Variants in BBS1 observed in about 807,000 individuals in gnomAD.
BBS1 encodes Bardet-Biedl syndrome 1.
Under a neutral mutation model 73.9 loss-of-function variants are expected in BBS1, and 60 were observed. The ratio of observed to expected loss-of-function variants is 0.81; its 90% CI spans 0.66 to 1.01. The LOEUF is 1.01. Ranked by LOEUF, BBS1 falls within the 50% of genes least tolerant of loss-of-function variation. The probability of loss-of-function intolerance (pLI) is 0.00; values close to 1 mark genes in which losing one functional copy is unlikely to be tolerated. For synonymous variants in BBS1, 283 were observed against 317.4 expected (o/e 0.89, Z 1.15); for missense variants, 718 against 770.3 (o/e 0.93, Z 0.80).
intron 1 of BBS1, 56 bp from the exon 2 acceptor site, chr11:66,510,956 GT>G (rs1014066485): frequency 3.4e-5 from 53 of 1,572,022 alleles, no homozygotes; most frequent in African/African-American, 1.1e-4. Flanking sequence ...CTTCCTCAAA[GT>G]TTTTTTTTCC....
At position 66,523,821 on chromosome 11, in the gene BBS1, T is replaced by TGGCCA. The variant is rs765388270; in HGVS notation, c.1050_1054dup (p.Asn352ArgfsTer24). 6.2e-7 allele frequency: 1 copy of TGGCCA among 1,613,702 alleles called. No individual in the cohort carries two copies. Among genetic ancestry groups the TGGCCA allele is most frequent in the Non-Finnish European group, 8.5e-7 (1 of 1,180,040 alleles). On this transcript the variant is annotated frameshift_variant, in exon 11 of 17. Coordinates refer to ENST00000318312, the MANE Select transcript of BBS1 (RefSeq NM_024649.5). LOFTEE classifies it high-confidence loss of function. Reference sequence around the variant, plus strand: ...GGCCTGCAGGCCGTCATGGCTGGGCTGGCCAATGGAGAGGTCCGCATTTAT... The same window carrying TGGCCA: ...GGCCTGCAGGCCGTCATGGCTGGGCTGGCCAGGCCAATGGAGAGGTCCGCATTTAT...
At chr11:66,523,906 C>T in intron 11 of BBS1, 24 bp downstream of exon 11, 2 of 1,611,700 alleles carry the variant, frequency 1.2e-6, no homozygotes, top group Non-Finnish European at 1.7e-6. Context: ...CCGGCATCTG[C>T]CACTCACTCC....
intron 9 of BBS1, 73 bp downstream of exon 9, chr11:66,521,449 T>C (rs1056605091): frequency 8.4e-7 from 1 of 1,194,626 alleles, no homozygotes. Context: ...GCTTGCAAGA[T>C]GAGAGTGGGC....
rs1407448709 is a variant in BBS1 at position 66,515,940 on chromosome 11, C to A, written c.591+7C>A. The stretch of plus-strand genomic sequence containing the variant: ...CAACTCCATCAAGCGGCAGGTAATA[C>A]CCCCTTCTCTTTTTATTTCCCTGTA... On this transcript the variant is annotated splice_region_variant and intron_variant, in intron 7 of 16. Coordinates refer to ENST00000318312, the MANE Select transcript of BBS1 (RefSeq NM_024649.5). The A allele has an allele frequency of 3.7e-6, 6 of 1,613,670 alleles. No individual in the cohort carries two copies. Among genetic ancestry groups the A allele is most frequent in the Non-Finnish European group, 5.1e-6 (6 of 1,179,800 alleles).
chr11:66,526,066 T>A, intron 11 of BBS1, 57 bp from the exon 12 acceptor site: 1 of 1,543,636 alleles, frequency 6.5e-7, no homozygotes, highest in Non-Finnish European at 9.0e-7. Context: ...ACCCATCCCC[T>A]GTCTTGCTTT....
At chr11:66,514,268 C>T (rs1590756292) in intron 3 of BBS1, 138 bp from the exon 4 acceptor site, 1 of 1,166,352 alleles carries the variant, frequency 8.6e-7, no homozygotes, top group East Asian at 2.4e-5. Flanking sequence ...TTCCCAAGGT[C>T]AGGCAGCTTG....
intron 7 of BBS1, among the ~76,000 whole-genome samples, 189 bp downstream of exon 7, chr11:66,516,122 CTT>C (rs35735110): frequency 0.015 from 1,533 of 99,210 alleles, 12 homozygotes; most frequent in East Asian, 0.1. Flanking sequence ...GTAGTGACAG[CTT>C]TTTTTTTTTT....
chr11:66,522,965 A>G (rs1856307204), intron 9 of BBS1: 1 of 359,630 alleles, frequency 2.8e-6, no homozygotes, highest in Admixed American at 3.8e-5. Flanking sequence ...TCAAAGTGGG[A>G]AAGACATTGG....
chr11:66,513,325 G>A (rs532189288), intron 3 of BBS1, among the ~76,000 whole-genome samples: 1 of 151,902 alleles, frequency 6.6e-6, no homozygotes, highest in Admixed American at 6.6e-5. Flanking sequence ...TAGCATATTT[G>A]GAAAGAATAA....
chr11:66,525,808 C>T (rs1415803468), intron 11 of BBS1, among the ~76,000 whole-genome samples: 1 of 152,084 alleles, frequency 6.6e-6, no homozygotes, highest in African/African-American at 2.4e-5. Flanking sequence ...AGAGACCAGA[C>T]ATATTTGTGT....
At chr11:66,531,549 C>T in intron 15 of BBS1, 107 bp from the exon 16 acceptor site, 2 of 1,455,382 alleles carry the variant, frequency 1.4e-6, no homozygotes, top group Non-Finnish European at 1.9e-6. Flanking sequence ...CCTGCCCACC[C>T]TGCAGGGGTG....
At chr11:66,510,802 G>A in intron 1 of BBS1, 96 bp downstream of exon 1, 1 of 1,552,038 alleles carries the variant, frequency 6.4e-7, no homozygotes, top group African/African-American at 1.4e-5. Flanking sequence ...CGGGCAGTCT[G>A]GAAGGACTCT....
chr11:66,516,072 G>A lies in BBS1; in HGVS notation c.591+139G>A, dbSNP rs1337221865. ...TATCCCTTCCAGCCATGCCATGTGT[G>A]TGTAGTCATAAAGCTGCAGTGACTT... is the stretch of plus-strand genomic sequence containing the variant. On this transcript the variant is annotated intron_variant, in intron 7 of 16. Coordinates refer to ENST00000318312, the MANE Select transcript of BBS1 (RefSeq NM_024649.5). 4 of 723,430 alleles carry A rather than the reference G, an allele frequency of 5.5e-6. No homozygotes were observed. In the East Asian group the frequency reaches 1.4e-4, roughly 24 times the overall value. The allele number at this position is 723,430 out of a possible 1,614,324, so 44.8% of individuals were successfully genotyped here.
chr11:66,523,706 CT>C lies in BBS1; in HGVS notation c.952-17del. On this transcript the variant is annotated splice_polypyrimidine_tract_variant and intron_variant, in intron 10 of 16. Transcript: ENST00000318312. ...GTAAGCCCTGAGCCCTCCACAGACG[CT>C]GGCTGTTCCCTGCCAGGGGAAGAAG... 1.2e-6 allele frequency: 2 copies of C among 1,610,562 alleles called. No homozygotes were observed. Among genetic ancestry groups the C allele is most frequent in the Non-Finnish European group, 1.7e-6 (2 of 1,179,992 alleles).
intron 8 of BBS1, chr11:66,520,420 G>A (rs1208820275): frequency 6.5e-6 from 1 of 153,614 alleles, no homozygotes; most frequent in Non-Finnish European, 1.4e-5. Flanking sequence ...GAGTAGCTGG[G>A]ACTGCAGGCA....
At position 66,526,787 on chromosome 11, in the gene BBS1, G is replaced by A. The variant is rs966335429; in HGVS notation, c.1319G>A (p.Arg440Gln). 1.1e-5 allele frequency: 17 copies of A among 1,614,106 alleles called. No individual in the cohort carries two copies. The highest frequency in any genetic ancestry group is 1.7e-5 in the Admixed American group (1 of 60,018). The part of the protein sequence containing the change: ...KTRLYVDQTL[R>Q]EREAGTAMHR... ...CGGCTTTACGTGGATCAGACACTGC[G>A]AGAGCGGGAGGCTGGCACCGGTGAG... The change falls in exon 13 of 17, where the codon CGA becomes CAA. Residue 440 changes from arginine (R) to glutamine (Q), a missense_variant. Physicochemically the swap from Arg to Gln is conservative, Grantham distance 43. Transcript: ENST00000318312.
At chr11:66,529,681 C>T in intron 13 of BBS1, 138 bp from the exon 14 acceptor site, 2 of 1,128,152 alleles carry the variant, frequency 1.8e-6, no homozygotes, top group Middle Eastern at 2.4e-4. Flanking sequence ...TTCCCTCCTC[C>T]CCAGCTCCTG....
rs112213410 is a variant in BBS1 at position 66,520,318 on chromosome 11, T to C, written c.723+570T>C. Reference sequence around the variant, plus strand: ...TTTTGTTTTTGAGGCAGAATCTTGCTGTGTCACCCAGGCTGGAGTACAGTG... The same window carrying C: ...TTTTGTTTTTGAGGCAGAATCTTGCCGTGTCACCCAGGCTGGAGTACAGTG... On this transcript the variant is annotated intron_variant, in intron 8 of 16. Coordinates refer to ENST00000318312, the MANE Select transcript of BBS1 (RefSeq NM_024649.5). 1,463 of 157,980 alleles carry C rather than the reference T, an allele frequency of 9.3e-3. 6 individuals are homozygous for C. Among genetic ancestry groups the C allele is most frequent in the Non-Finnish European group, 0.015 (1,053 of 71,364 alleles). The allele number at this position is 157,980 out of a possible 1,614,324, so 9.8% of individuals were successfully genotyped here.
chr11:66,527,012 G>A (rs763434778), intron 13 of BBS1: 27 of 1,536,874 alleles, frequency 1.8e-5, no homozygotes, highest in Non-Finnish European at 1.8e-5. Flanking sequence ...AGGTGCTGTG[G>A]GTGACAGCAA....
Sources: allele counts gnomAD v4.1 joint callset (sites outside exome capture counted in the v4.1 genomes callset), GRCh38; gene constraint gnomAD v4.1.1; transcripts MANE v1.5; gene names NCBI Gene and HGNC (gene_info 2026-07-23, HGNC 2026-07-21).